The following CNGB3 variants were observed in gnomAD, a reference collection of about 807,000 sequenced individuals.
CNGB3 encodes cyclic nucleotide-gated channel beta-3.
Under a neutral mutation model 92.8 loss-of-function variants are expected in CNGB3, and 86 were observed. The ratio of observed to expected loss-of-function variants is 0.93; its 90% CI spans 0.78 to 1.11. The LOEUF (loss-of-function observed/expected upper bound fraction) is 1.11. CNGB3 is among the 50% of genes least tolerant of loss of function. The pLI, the probability that CNGB3 is intolerant of heterozygous loss-of-function variation, is 0.00. For synonymous variants in CNGB3, 333 were observed against 332.7 expected (o/e 1.00, Z -0.01); for missense variants, 1,026 against 956.8 (o/e 1.07, Z -0.95).
intron 3 of CNGB3, among the ~76,000 whole-genome samples, chr8:86,698,816 C>A (rs1433140469): frequency 6.6e-6 from 1 of 152,134 alleles, no homozygotes; most frequent in Non-Finnish European, 1.5e-5. Context: ...TCAAGGGCCT[C>A]TAAGAGCCAG....
At chr8:86,693,986 C>T (rs1481745992) in intron 3 of CNGB3, among the ~76,000 whole-genome samples, 1 of 150,104 alleles carries the variant, frequency 6.7e-6, no homozygotes, top group Non-Finnish European at 1.5e-5. Context: ...GGGGTGGTGG[C>T]CGGGCAGAGG....
chr8:86,690,318 G>T (rs1300376721), intron 3 of CNGB3, among the ~76,000 whole-genome samples: 1 of 152,198 alleles, frequency 6.6e-6, no homozygotes, highest in African/African-American at 2.4e-5. Flanking sequence ...GGCCAGTGAT[G>T]ATGAGCATTT....
At chr8:86,713,010 A>T (rs1824268589) in intron 3 of CNGB3, among the ~76,000 whole-genome samples, 1 of 152,190 alleles carries the variant, frequency 6.6e-6, no homozygotes, top group Non-Finnish European at 1.5e-5. Context: ...TGAAACAGAA[A>T]GGCAAAAACA....
At chr8:86,589,900 C>T (rs1361873859) in intron 15 of CNGB3, among the ~76,000 whole-genome samples, 1 of 151,708 alleles carries the variant, frequency 6.6e-6, no homozygotes, top group African/African-American at 2.4e-5. Context: ...TCCCTGTTGA[C>T]TTTCTGTCTC....
In CNGB3 at chr8:86,706,701, A is replaced by G. The variant is rs374237667; in HGVS notation, c.338+19830T>C. 9.8e-5 allele frequency among the ~76,000 whole-genome samples: 15 copies of G among 152,314 alleles called. 1 individual carries two copies. Among genetic ancestry groups the G allele is most frequent in the Admixed American group, 5.9e-4 (9 of 15,306 alleles). ...TCTTAAATCGTGTCCTAGACTCTGG[A>G]GGTGAACACTTAGTGCAATCAATCC... On this transcript the variant is annotated intron_variant, in intron 3 of 17. Coordinates refer to ENST00000320005, the MANE Select transcript of CNGB3 (RefSeq NM_019098.5).
At chr8:86,638,205 G>A (rs1449482849) in intron 10 of CNGB3, among the ~76,000 whole-genome samples, 3 of 152,052 alleles carry the variant, frequency 2.0e-5, no homozygotes, top group African/African-American at 7.2e-5. Context: ...TTTATTCTGT[G>A]AACATATATT....
chr8:86,632,825 G>T lies in CNGB3; in HGVS notation c.1247C>A (p.Thr416Asn). Reference protein sequence around the residue: ...ITIGGLPEPQTLFEIVFQLLN... With the variant: ...ITIGGLPEPQNLFEIVFQLLN... ...GAGTTGAAAAACAATTTCAAATAAAGTTTGTGGTTCTGGAAGGCCACCAAT... is the reference window on the plus strand; with the variant it reads ...GAGTTGAAAAACAATTTCAAATAAATTTTGTGGTTCTGGAAGGCCACCAAT... The change falls in exon 11 of 18, where the codon ACT becomes AAT. Residue 416 changes from threonine (T) to asparagine (N), a missense_variant. Thr to Asn is a moderately conservative substitution (Grantham distance 65, BLOSUM62 0). Transcript: ENST00000320005. 1 of 1,612,816 alleles carries T rather than the reference G, an allele frequency of 6.2e-7. No individual in the cohort carries two copies. The highest frequency in any genetic ancestry group is 1.7e-5 in the Admixed American group (1 of 59,942).
intron 15 of CNGB3, among the ~76,000 whole-genome samples, chr8:86,585,114 G>C (rs528972989): frequency 2.0e-5 from 3 of 152,136 alleles, no homozygotes; most frequent in Non-Finnish European, 2.9e-5. Flanking sequence ...GTGTGCCAAA[G>C]TTGGGTGAAT....
intron 3 of CNGB3, among the ~76,000 whole-genome samples, chr8:86,692,325 T>C (rs1440435112): frequency 6.6e-6 from 1 of 152,102 alleles, no homozygotes; most frequent in African/African-American, 2.4e-5. Context: ...CAGTAAAGTA[T>C]TGAAGACCCC....
At chr8:86,619,955 A>G (rs1822693486) in intron 13 of CNGB3, among the ~76,000 whole-genome samples, 1 of 152,054 alleles carries the variant, frequency 6.6e-6, no homozygotes, top group African/African-American at 2.4e-5. Flanking sequence ...TCCTGGGCTC[A>G]GGCAATCCTC....
rs149198249 is a variant in CNGB3 at position 86,709,102 on chromosome 8, G to T, written c.338+17429C>A. Reference sequence around the variant, plus strand: ...TGATCCAACAAAGAGAACAAGCTAGGTGTTGTGGGAAAGAAAGGATGCAAT... The same window carrying T: ...TGATCCAACAAAGAGAACAAGCTAGTTGTTGTGGGAAAGAAAGGATGCAAT... On this transcript the variant is annotated intron_variant, in intron 3 of 17. Transcript: ENST00000320005. 3.1e-3 allele frequency among the ~76,000 whole-genome samples: 468 copies of T among 152,294 alleles called. 1 individual carries two copies. Among genetic ancestry groups the T allele is most frequent in the African/African-American group, 0.01 (426 of 41,554 alleles).
At chr8:86,689,936 C>A (rs1586017698) in intron 3 of CNGB3, among the ~76,000 whole-genome samples, 3 of 152,114 alleles carry the variant, frequency 2.0e-5, no homozygotes, top group Admixed American at 6.5e-5. Flanking sequence ...TGTATATGTG[C>A]CACATTTTCT....
intron 14 of CNGB3, among the ~76,000 whole-genome samples, chr8:86,605,684 G>C (rs1822399414): frequency 6.6e-6 from 1 of 152,166 alleles, no homozygotes. Flanking sequence ...AGATGGCTGA[G>C]AGAATGTCTA....
chr8:86,587,760 G>T (rs1821930028), intron 15 of CNGB3, among the ~76,000 whole-genome samples: 1 of 149,692 alleles, frequency 6.7e-6, no homozygotes, highest in Non-Finnish European at 1.5e-5. Flanking sequence ...ATAGTTTGAA[G>T]TCAGGTAGTG....
At chr8:86,694,004 C>A (rs1323433540) in intron 3 of CNGB3, among the ~76,000 whole-genome samples, 2 of 151,870 alleles carry the variant, frequency 1.3e-5, no homozygotes, top group Admixed American at 6.5e-5. Flanking sequence ...AGGGGCTCCT[C>A]ACTTCCCAGT....
At chr8:86,729,363 T>C (rs1359649790) in intron 2 of CNGB3, among the ~76,000 whole-genome samples, 1 of 152,210 alleles carries the variant, frequency 6.6e-6, no homozygotes, top group East Asian at 1.9e-4. Flanking sequence ...CCATTCCTAA[T>C]AAGAATTTTT....
In CNGB3 at chr8:86,668,131, A is replaced by T; in HGVS notation, c.531T>A (p.Asp177Glu). The T allele has an allele frequency of 6.2e-7, 1 of 1,613,990 alleles. No homozygotes were observed. Among genetic ancestry groups the T allele is most frequent in the Non-Finnish European group, 8.5e-7 (1 of 1,180,002 alleles). The change falls in exon 5 of 18, where the codon GAT becomes GAA. Residue 177 changes from aspartate (D) to glutamate (E), a missense_variant. Asp to Glu is a conservative substitution (Grantham distance 45). Coordinates refer to ENST00000320005, the MANE Select transcript of CNGB3 (RefSeq NM_019098.5). ...PTAVPPVKES[D>E]DKPTEHYYRL... Reference sequence around the variant, plus strand: ...TGTAGTAATGTTCTGTTGGCTTATCATCGCTTTCTTTTACTGGTGGTACAG... The same window carrying T: ...TGTAGTAATGTTCTGTTGGCTTATCTTCGCTTTCTTTTACTGGTGGTACAG...
intron 6 of CNGB3, chr8:86,657,571 G>C (rs1823536466): frequency 2.3e-6 from 1 of 438,034 alleles, no homozygotes; most frequent in Non-Finnish European, 4.6e-6. Context: ...CCATGCTGTG[G>C]GCGAGGCTCA....
intron 2 of CNGB3, 36 bp downstream of exon 2, chr8:86,739,619 A>ATT: frequency 7.2e-7 from 1 of 1,386,284 alleles, no homozygotes; most frequent in Non-Finnish European, 9.8e-7. Context: ...TTCACTTTTT[A>ATT]GTTTTTTTTT....
Sources: gnomAD v4.1 joint callset for allele counts (sites outside exome capture counted in the v4.1 genomes callset) on GRCh38, gnomAD v4.1.1 for gene constraint, MANE v1.5 for transcripts, NCBI Gene and HGNC (gene_info 2026-07-23, HGNC 2026-07-21) for gene names.